The following DOCK5 variants were observed in gnomAD, a reference collection of about 807,000 sequenced individuals.
DOCK5 encodes dedicator of cytokinesis protein 5.
A neutral mutation model predicts 251.8 loss-of-function variants in DOCK5; 142 were observed. The observed-to-expected ratio is 0.56, with a 90% CI of 0.49 to 0.65. DOCK5 has a LOEUF of 0.65. DOCK5 is among the 30% of genes least tolerant of loss of function. DOCK5 has a pLI of 0.00. For missense variants in DOCK5, 2,111 were observed against 2,312.3 expected (o/e 0.91, Z 1.79); for synonymous variants, 842 against 835.5 (o/e 1.01, Z -0.13).
chr8:25,408,272 C>A, intron 49 of DOCK5, 118 bp downstream of exon 49: 1 of 1,141,100 alleles, frequency 8.8e-7, no homozygotes, highest in Non-Finnish European at 1.2e-6. Flanking sequence ...TTTCAGGACT[C>A]AGCAGCCTGG....
Position 25,363,103 on chromosome 8 carries a change from T to G in DOCK5, c.3006T>G (p.Tyr1002Ter). 4 of 1,614,046 alleles carry G rather than the reference T, an allele frequency of 2.5e-6. No homozygotes were observed. The highest frequency in any genetic ancestry group is 3.4e-6 in the Non-Finnish European group (4 of 1,179,888). ...AGGACCTGATTGGAAAGAATGTCTATGCCAAAGATTGGATGGTGATGAATA... is the reference window on the plus strand; with the variant it reads ...AGGACCTGATTGGAAAGAATGTCTAGGCCAAAGATTGGATGGTGATGAATA... ...MFKDLIGKNVYAKDWMVMNMT... is the reference protein window; with the variant it reads ...MFKDLIGKNV Residue 1002 changes from tyrosine (Y) to a stop codon, truncating the protein, a stop_gained, in exon 29 of 52, where the codon TAT (tyrosine) becomes TAG (stop). Coordinates refer to ENST00000276440, the MANE Select transcript of DOCK5 (RefSeq NM_024940.8). LOFTEE classifies it high-confidence loss of function.
At chr8:25,394,667 A>G (rs1206926082) in intron 44 of DOCK5, among the ~76,000 whole-genome samples, 2 of 152,142 alleles carry the variant, frequency 1.3e-5, no homozygotes, top group African/African-American at 4.8e-5. Flanking sequence ...AAAAGTCTCC[A>G]AGGAAGTGTT....
At chr8:25,203,382 A>G (rs1335595595) in intron 1 of DOCK5, among the ~76,000 whole-genome samples, 1 of 152,222 alleles carries the variant, frequency 6.6e-6, no homozygotes, top group African/African-American at 2.4e-5. Flanking sequence ...ATTGTTTGAT[A>G]GCTTCAGGGA....
At chr8:25,360,959 C>T (rs541558587) in intron 28 of DOCK5, among the ~76,000 whole-genome samples, 9 of 152,184 alleles carry the variant, frequency 5.9e-5, no homozygotes, top group South Asian at 4.1e-4. Context: ...ATTATCCTCA[C>T]GAGGGAACTA....
At chr8:25,353,433 TAACTA>T (rs1266352281) in intron 27 of DOCK5, among the ~76,000 whole-genome samples, 5 of 152,350 alleles carry the variant, frequency 3.3e-5, no homozygotes, top group African/African-American at 1.2e-4. Context: ...GATTATCAGT[TAACTA>T]GACTAGTCCT....
At chr8:25,362,242 A>ATTCTCTC (rs1800696352) in intron 28 of DOCK5, among the ~76,000 whole-genome samples, 1 of 152,132 alleles carries the variant, frequency 6.6e-6, no homozygotes. Flanking sequence ...TCTAACCATA[A>ATTCTCTC]TAAAGGAGAA....
intron 5 of DOCK5, among the ~76,000 whole-genome samples, chr8:25,288,781 T>G (rs957743650): frequency 1.3e-4 from 20 of 152,218 alleles, no homozygotes; most frequent in African/African-American, 4.8e-4. Flanking sequence ...ATGGAAACAT[T>G]TTATATAAGA....
intron 44 of DOCK5, among the ~76,000 whole-genome samples, chr8:25,394,977 T>C (rs1801322208): frequency 6.6e-6 from 1 of 152,160 alleles, no homozygotes; most frequent in Admixed American, 6.6e-5. Flanking sequence ...GGTTTTGGAA[T>C]GATTCAAGCA....
Position 25,226,985 on chromosome 8 carries a change from G to A in DOCK5, c.44-16689G>A, listed in dbSNP as rs373080916. On this transcript the variant is annotated intron_variant, in intron 1 of 51. Coordinates refer to ENST00000276440, the MANE Select transcript of DOCK5 (RefSeq NM_024940.8). ...AGGTGACTAATTATCTGTGGGATGT[G>A]TGTACCATGATTTATTTCACGTTTC... 6.2e-4 allele frequency among the ~76,000 whole-genome samples: 94 copies of A among 152,336 alleles called. 1 individual carries two copies. The South Asian group carries it at 0.011, about 18-fold the overall frequency.
chr8:25,301,501 G>T (rs925748516), intron 9 of DOCK5, among the ~76,000 whole-genome samples: 4 of 151,910 alleles, frequency 2.6e-5, no homozygotes, highest in Admixed American at 2.0e-4. Context: ...GATGTGATTA[G>T]TTTTTTTTCT....
intron 2 of DOCK5, among the ~76,000 whole-genome samples, chr8:25,244,166 A>C (rs1374482407): frequency 6.6e-6 from 1 of 152,100 alleles, no homozygotes; most frequent in Non-Finnish European, 1.5e-5. Context: ...AATGAGGGAG[A>C]GTCTTTCTGG....
rs539803365 is a variant in DOCK5, at chr8:25,344,126, G to T, written c.2618-1349G>T. On this transcript the variant is annotated intron_variant, in intron 25 of 51. Transcript: ENST00000276440. Reference sequence around the variant, plus strand: ...CCTGGCCAAGCTGTTTTCTTTAGGGGGTAGGCTGGCAGAAGCCAGATTACT... The same window carrying T: ...CCTGGCCAAGCTGTTTTCTTTAGGGTGTAGGCTGGCAGAAGCCAGATTACT... 8.5e-5 allele frequency among the ~76,000 whole-genome samples: 13 copies of T among 152,296 alleles called. No homozygotes were observed. The East Asian group carries it at 1.9e-3, about 23-fold the overall frequency.
intron 5 of DOCK5, among the ~76,000 whole-genome samples, chr8:25,282,230 C>CT (rs1352155622): frequency 0.054 from 7,879 of 145,730 alleles, 665 homozygotes; most frequent in African/African-American, 0.18. Context: ...GTGGCTTTCT[C>CT]TTTTTTTTTT....
chr8:25,373,732 A>G, intron 36 of DOCK5, 74 bp downstream of exon 36: 2 of 1,397,730 alleles, frequency 1.4e-6, no homozygotes, highest in Non-Finnish European at 2.0e-6. Context: ...GTAAACAAAT[A>G]CTTTCCCAAC....
intron 13 of DOCK5, among the ~76,000 whole-genome samples, chr8:25,316,071 A>G (rs1046087622): frequency 2.6e-5 from 4 of 152,216 alleles, no homozygotes; most frequent in African/African-American, 7.2e-5. Context: ...TTTCTTCAAT[A>G]TGTGGGCCAC....
chr8:25,234,895 C>G (rs938322900), intron 1 of DOCK5, among the ~76,000 whole-genome samples: 7 of 152,196 alleles, frequency 4.6e-5, no homozygotes, highest in Admixed American at 2.0e-4. Flanking sequence ...TGTTCTTGAC[C>G]TCTCCAGTCC....
intron 50 of DOCK5, 114 bp downstream of exon 50, chr8:25,409,054 G>T: frequency 1.4e-6 from 2 of 1,474,542 alleles, no homozygotes; most frequent in Admixed American, 1.9e-5. Context: ...TTGTAAAACT[G>T]GTTCAATTTC....
chr8:25,312,501 A>G (rs528335068), intron 13 of DOCK5, among the ~76,000 whole-genome samples: 4 of 152,294 alleles, frequency 2.6e-5, no homozygotes, highest in South Asian at 4.1e-4. Flanking sequence ...GATGGCTCAC[A>G]TCGGTAATCC....
intron 8 of DOCK5, among the ~76,000 whole-genome samples, chr8:25,299,723 T>A (rs980264063): frequency 6.6e-6 from 1 of 152,006 alleles, no homozygotes. Context: ...TTAAAAAACA[T>A]TTTTTTTAAG....
Sources: gnomAD v4.1 joint callset for allele counts (sites outside exome capture counted in the v4.1 genomes callset) on GRCh38, gnomAD v4.1.1 for gene constraint, MANE v1.5 for transcripts, NCBI Gene and HGNC (gene_info 2026-07-23, HGNC 2026-07-21) for gene names.